CAPRIN1: variants seen among roughly 807,000 people sequenced by gnomAD.
The protein encoded by CAPRIN1 is cell cycle associated protein 1.
In CAPRIN1, 29 loss-of-function variants were observed where a neutral mutation model predicts 100.9. The ratio of observed to expected loss-of-function variants is 0.29; its 90% CI spans 0.21 to 0.39. CAPRIN1 has a LOEUF of 0.39. CAPRIN1 is among the 10% of genes least tolerant of loss of function. CAPRIN1 has a pLI of 1.00. For missense variants in CAPRIN1, 795 were observed against 876.7 expected (o/e 0.91, Z 1.18); for synonymous variants, 338 against 307.5 (o/e 1.10, Z -1.04).
At chr11:34,074,126 A>G (rs1046864565) in intron 4 of CAPRIN1, among the ~76,000 whole-genome samples, 3 of 152,226 alleles carry the variant, frequency 2.0e-5, no homozygotes, top group Admixed American at 1.3e-4. Flanking sequence ...AGGGGGATGC[A>G]TTCAGACCAT....
intron 6 of CAPRIN1, among the ~76,000 whole-genome samples, chr11:34,078,894 G>A (rs1248986522): frequency 6.6e-6 from 1 of 152,150 alleles, no homozygotes; most frequent in Non-Finnish European, 1.5e-5. Flanking sequence ...TTGTAGTTCT[G>A]TGTAGTACTT....
At chr11:34,072,126 T>C in intron 4 of CAPRIN1, 139 bp downstream of exon 4, 1 of 598,436 alleles carries the variant, frequency 1.7e-6, no homozygotes, top group East Asian at 2.8e-5. Flanking sequence ...TCACATTCTG[T>C]AAAGTAAAAT....
chr11:34,084,789 A>G (rs56696374), intron 9 of CAPRIN1, among the ~76,000 whole-genome samples: 15,532 of 152,212 alleles, frequency 0.1, 856 homozygotes, highest in African/African-American at 0.15. Flanking sequence ...TGAACTATTA[A>G]CATATTTGTT....
intron 1 of CAPRIN1, 160 bp from the exon 2 acceptor site, chr11:34,052,261 A>G (rs1190668494): frequency 6.1e-5 from 32 of 526,744 alleles, no homozygotes; most frequent in South Asian, 1.5e-4. Flanking sequence ...GCGCCCGCGC[A>G]CTCTTCCTGC....
At chr11:34,089,863 G>A (rs1851228983) in intron 12 of CAPRIN1, among the ~76,000 whole-genome samples, 1 of 151,814 alleles carries the variant, frequency 6.6e-6, no homozygotes, top group Middle Eastern at 3.2e-3. Context: ...TTTTTATTTA[G>A]AACTGAGAAT....
At chr11:34,062,123 C>T (rs1850592978) in intron 2 of CAPRIN1, among the ~76,000 whole-genome samples, 1 of 152,032 alleles carries the variant, frequency 6.6e-6, no homozygotes, top group Admixed American at 6.6e-5. Flanking sequence ...TTCTTTCTAC[C>T]CTGCTTTTAA....
At chr11:34,098,155 AC>A in intron 18 of CAPRIN1, 1 of 1,004,836 alleles carries the variant, frequency 1.0e-6, no homozygotes, top group South Asian at 4.1e-5. Context: ...TTTTTTTGAA[AC>A]ATGCCTATTA....
intron 2 of CAPRIN1, chr11:34,052,919 A>G: frequency 7.8e-7 from 1 of 1,287,036 alleles, no homozygotes; most frequent in Non-Finnish European, 9.9e-7. Context: ...GGCCTTTAGG[A>G]GTGGGACATG....
intron 2 of CAPRIN1, among the ~76,000 whole-genome samples, chr11:34,069,277 G>A (rs541851473): frequency 5.2e-4 from 79 of 151,476 alleles, no homozygotes; most frequent in African/African-American, 1.8e-3. Flanking sequence ...AGCCTTCTGA[G>A]TAGCTGGGAT....
chr11:34,078,883 A>G (rs933649503), intron 6 of CAPRIN1, among the ~76,000 whole-genome samples: 2 of 152,274 alleles, frequency 1.3e-5, no homozygotes, highest in African/African-American at 2.4e-5. Flanking sequence ...GGTCCAGTCC[A>G]TTGTAGTTCT....
intron 2 of CAPRIN1, among the ~76,000 whole-genome samples, chr11:34,053,895 A>G: frequency 6.6e-6 from 1 of 152,242 alleles, no homozygotes; most frequent in East Asian, 1.9e-4. Context: ...ATTTTACCTT[A>G]TAAAGTAAAA....
chr11:34,091,322 C>G (rs1030050723), intron 14 of CAPRIN1, among the ~76,000 whole-genome samples: 5 of 152,078 alleles, frequency 3.3e-5, no homozygotes, highest in Non-Finnish European at 7.4e-5. Context: ...AGTCTTGCTC[C>G]GTCGCCCAGG....
At chr11:34,092,093 TTCC>T (rs767120084) in intron 15 of CAPRIN1, 37 bp downstream of exon 15, 1 of 1,603,800 alleles carries the variant, frequency 6.2e-7, no homozygotes, top group East Asian at 2.2e-5. Context: ...GCTCCTTGCT[TTCC>T]AGCACAGTTA....
At chr11:34,059,473 T>TTGGCCATGC (rs1471189778) in intron 2 of CAPRIN1, among the ~76,000 whole-genome samples, 1 of 152,214 alleles carries the variant, frequency 6.6e-6, no homozygotes, top group East Asian at 1.9e-4. Flanking sequence ...TTTCGCCATG[T>TTGGCCATGC]TGGCCATGCT....
At chr11:34,080,389 C>T (rs758849177) in intron 7 of CAPRIN1, among the ~76,000 whole-genome samples, 28 of 152,122 alleles carry the variant, frequency 1.8e-4, no homozygotes, top group Non-Finnish European at 3.7e-4. Context: ...CCAGCTGTTA[C>T]AAGGATTTTC....
At chr11:34,083,211 A>G (rs1314418433) in intron 9 of CAPRIN1, among the ~76,000 whole-genome samples, 170 bp downstream of exon 9, 1 of 152,238 alleles carries the variant, frequency 6.6e-6, no homozygotes, top group Non-Finnish European at 1.5e-5. Flanking sequence ...ATCCCTGTGG[A>G]TGTTTAATAG....
intron 17 of CAPRIN1, 116 bp from the exon 18 acceptor site, chr11:34,097,582 A>G: frequency 9.1e-7 from 1 of 1,101,522 alleles, no homozygotes; most frequent in Non-Finnish European, 1.4e-6. Flanking sequence ...ATAAACTGAT[A>G]CTGAAGTGTC....
chr11:34,059,270 G>GTTTTTT (rs776890676), intron 2 of CAPRIN1, among the ~76,000 whole-genome samples: 1 of 137,496 alleles, frequency 7.3e-6, no homozygotes, highest in African/African-American at 2.7e-5. Flanking sequence ...TCTTGACATT[G>GTTTTTT]TTTTTTTTTT....
chr11:34,061,682 C>T (rs926233730), intron 2 of CAPRIN1, among the ~76,000 whole-genome samples: 1 of 151,866 alleles, frequency 6.6e-6, no homozygotes, highest in African/African-American at 2.4e-5. Flanking sequence ...GAAGTATATC[C>T]TTACCGGCCG....
Sources: gnomAD v4.1 joint callset for allele counts (sites outside exome capture counted in the v4.1 genomes callset) on GRCh38, gnomAD v4.1.1 for gene constraint, MANE v1.5 for transcripts, NCBI Gene and HGNC (gene_info 2026-07-23, HGNC 2026-07-21) for gene names.